The following PPP1R12B variants were observed in gnomAD, a reference collection of about 807,000 sequenced individuals.
PPP1R12B encodes the protein protein phosphatase 1 regulatory subunit 12B.
A neutral mutation model predicts 126.1 loss-of-function variants in PPP1R12B; 76 were observed. The ratio of observed to expected loss-of-function variants is 0.60; its 90% confidence interval spans 0.50 to 0.73. The LOEUF (loss-of-function observed/expected upper bound fraction) is 0.73. Ranked by LOEUF, PPP1R12B falls within the 30% of genes least tolerant of loss-of-function variation. PPP1R12B has a pLI of 0.00. For missense variants in PPP1R12B, 1,052 were observed against 1,205.1 expected, an observed-to-expected ratio of 0.87 and a Z score of 1.88; for synonymous variants, 356 against 434.7, an observed-to-expected ratio of 0.82 and a Z score of 2.25.
At chr1:202,495,703 T>C in intron 17 of PPP1R12B, 21 bp downstream of exon 17, 1 of 1,592,950 alleles carries the variant, frequency 6.3e-7, no homozygotes, top group Non-Finnish European at 8.6e-7. Context: ...TGGTCTGTGC[T>C]GAGGCATATC....
At chr1:202,450,357 CTT>C (rs756543429) in intron 13 of PPP1R12B, among the ~76,000 whole-genome samples, 7 of 152,142 alleles carry the variant, frequency 4.6e-5, no homozygotes, top group Admixed American at 2.0e-4. Flanking sequence ...CTAAGAAAAA[CTT>C]TTTGATTGCC....
chr1:202,396,714 G>A (rs969755430), intron 1 of PPP1R12B, among the ~76,000 whole-genome samples: 13 of 152,188 alleles, frequency 8.5e-5, no homozygotes, highest in African/African-American at 2.9e-4. Context: ...TGGGGCTCAA[G>A]TGATCCTCCC....
In PPP1R12B at chr1:202,349,019, C is replaced by T. The variant is rs1429061795; in HGVS notation, c.168C>T (p.Phe56=). The T allele has an allele frequency of 6.2e-7, 1 of 1,611,246 alleles. No homozygotes were observed. The highest frequency in any genetic ancestry group is 1.7e-5 in the Admixed American group (1 of 59,330). Residue 56 remains phenylalanine, a synonymous_variant, in exon 1 of 24, where the codon TTC becomes TTT. Transcript: ENST00000608999. Reference sequence around the variant, plus strand: ...GGCGCGGGAGCCCCAGGGTCCGCTTCGAGGACGGTGCTGTCTTTCTGGCCG... The same window carrying T: ...GGCGCGGGAGCCCCAGGGTCCGCTTTGAGGACGGTGCTGTCTTTCTGGCCG... ...LTRRGSPRVR[F]EDGAVFLAAC...
At chr1:202,523,549 A>G (rs947072132) in intron 18 of PPP1R12B, among the ~76,000 whole-genome samples, 3 of 152,232 alleles carry the variant, frequency 2.0e-5, no homozygotes, top group African/African-American at 4.8e-5. Context: ...GTACTGACAC[A>G]TGAAATAAAT....
intron 1 of PPP1R12B, among the ~76,000 whole-genome samples, chr1:202,387,024 A>G (rs1266503581): frequency 6.6e-6 from 1 of 152,174 alleles, no homozygotes; most frequent in Non-Finnish European, 1.5e-5. Context: ...CTAGTGACTA[A>G]GAAGATGCAA....
chr1:202,502,180 A>G (rs1680304728), intron 18 of PPP1R12B: 1 of 984,890 alleles, frequency 1.0e-6, no homozygotes, highest in African/African-American at 1.7e-5. Flanking sequence ...GTAGGTCTGG[A>G]TTACTAGTCA....
chr1:202,512,606 A>G (rs1257315949), intron 18 of PPP1R12B, among the ~76,000 whole-genome samples: 1 of 152,226 alleles, frequency 6.6e-6, no homozygotes, highest in Non-Finnish European at 1.5e-5. Flanking sequence ...TAGGCTTGAT[A>G]CAAGGAACAG....
intron 18 of PPP1R12B, among the ~76,000 whole-genome samples, chr1:202,509,834 A>G (rs956887325): frequency 4.6e-5 from 7 of 152,148 alleles, no homozygotes; most frequent in Non-Finnish European, 7.4e-5. Flanking sequence ...GCTTGAAATG[A>G]TAGTTAGGAG....
At chr1:202,359,185 C>T (rs1172487745) in intron 1 of PPP1R12B, among the ~76,000 whole-genome samples, 4 of 151,862 alleles carry the variant, frequency 2.6e-5, no homozygotes, top group Non-Finnish European at 5.9e-5. Flanking sequence ...ACTCTTGTTG[C>T]CCAGGCTGGA....
At chr1:202,441,651 T>C (rs1049285980) in intron 11 of PPP1R12B, among the ~76,000 whole-genome samples, 1 of 152,184 alleles carries the variant, frequency 6.6e-6, no homozygotes, top group Non-Finnish European at 1.5e-5. Flanking sequence ...GAGTTATCAA[T>C]TGTGGATCAA....
intron 1 of PPP1R12B, among the ~76,000 whole-genome samples, chr1:202,387,653 G>T (rs1663380257): frequency 6.6e-6 from 1 of 152,112 alleles, no homozygotes; most frequent in African/African-American, 2.4e-5. Flanking sequence ...TTTATTAAAA[G>T]GCCAGTCATT....
At chr1:202,516,973 C>G (rs181219032) in intron 18 of PPP1R12B, among the ~76,000 whole-genome samples, 2 of 152,246 alleles carry the variant, frequency 1.3e-5, no homozygotes, top group African/African-American at 4.8e-5. Flanking sequence ...TTGCCCAGAC[C>G]TACATTTTTT....
intron 18 of PPP1R12B, among the ~76,000 whole-genome samples, chr1:202,554,049 A>G (rs1309254289): frequency 6.6e-6 from 1 of 152,240 alleles, no homozygotes; most frequent in East Asian, 1.9e-4. Flanking sequence ...TTCTGAGTCA[A>G]TCCAGCCACT....
chr1:202,351,123 A>T (rs1571503176), intron 1 of PPP1R12B, among the ~76,000 whole-genome samples: 2 of 152,246 alleles, frequency 1.3e-5, no homozygotes. Context: ...GTATCTTTGA[A>T]TCAAGACAAC....
intron 18 of PPP1R12B, among the ~76,000 whole-genome samples, chr1:202,497,734 C>G (rs1468731455): frequency 2.0e-5 from 3 of 152,088 alleles, no homozygotes; most frequent in African/African-American, 7.2e-5. Flanking sequence ...GAAGCTGGGG[C>G]TACTTCATAA....
At position 202,427,089 on chromosome 1, in the gene PPP1R12B, T is replaced by C; in HGVS notation, c.751T>C (p.Trp251Arg). Residue 251 changes from tryptophan to arginine, a missense_variant, in exon 5 of 24, where the codon TGG (tryptophan) becomes CGG (arginine). Physicochemically the swap from Trp to Arg is moderately radical, Grantham distance 101 (BLOSUM62 -3). Coordinates refer to ENST00000608999, the MANE Select transcript of PPP1R12B (RefSeq NM_002481.4). The part of the protein sequence containing the change: ...YELNVQDYDG[W>R]TPLHAAAHWG... ...ACTCAATGTTCAGGATTATGATGGC[T>C]GGACTCCCCTCCATGCTGCTGCACA... 1 of 1,614,174 alleles carries C rather than the reference T, an allele frequency of 6.2e-7. No individual in the cohort carries two copies.
chr1:202,420,323 A>G (rs900028312), intron 2 of PPP1R12B, among the ~76,000 whole-genome samples: 1 of 152,166 alleles, frequency 6.6e-6, no homozygotes, highest in African/African-American at 2.4e-5. Flanking sequence ...AAAGGAAGGA[A>G]AGAGGGAATT....
At chr1:202,504,886 G>A (rs1265903676) in intron 18 of PPP1R12B, among the ~76,000 whole-genome samples, 2 of 152,142 alleles carry the variant, frequency 1.3e-5, no homozygotes, top group Non-Finnish European at 2.9e-5. Context: ...AAATGAAAAT[G>A]AGCTAATACA....
At chr1:202,354,679 C>T (rs1333733946) in intron 1 of PPP1R12B, among the ~76,000 whole-genome samples, 6 of 151,040 alleles carry the variant, frequency 4.0e-5, no homozygotes, top group Non-Finnish European at 7.4e-5. Flanking sequence ...GACAGAGTCT[C>T]GCTCTGTCAG....
Sources: gnomAD v4.1 joint callset for allele counts (sites outside exome capture counted in the v4.1 genomes callset) on GRCh38, gnomAD v4.1.1 for gene constraint, MANE v1.5 for transcripts, NCBI Gene and HGNC (gene_info 2026-07-23, HGNC 2026-07-21) for gene names.